RHBDD1: variants seen among roughly 807,000 people sequenced by gnomAD.
RHBDD1 encodes rhomboid domain containing 1.
RHBDD1 carries 38 observed loss-of-function variants against 36.3 expected under a neutral mutation model. The ratio of observed to expected loss-of-function variants is 1.05; its 90% CI spans 0.81 to 1.37. The LOEUF is 1.37. Among genes scored for constraint, RHBDD1 ranks in the 40% most tolerant of loss-of-function variants. The pLI is 0.00. For missense variants in RHBDD1, 393 were observed against 377.6 expected, an observed-to-expected ratio of 1.04 and a Z score of -0.34; for synonymous variants, 151 against 136.5, an observed-to-expected ratio of 1.11 and a Z score of -0.74.
At chr2:226,961,713 T>C (rs1029924468) in intron 8 of RHBDD1, among the ~76,000 whole-genome samples, 2 of 152,180 alleles carry the variant, frequency 1.3e-5, no homozygotes, top group African/African-American at 2.4e-5. Flanking sequence ...TGCTCAGTTG[T>C]CTGTGTTTCC....
chr2:226,994,597 C>A (rs1388855890), intron 8 of RHBDD1, among the ~76,000 whole-genome samples: 1 of 152,208 alleles, frequency 6.6e-6, no homozygotes, highest in East Asian at 1.9e-4. Flanking sequence ...TAGAAGTAAA[C>A]CTCTACTTAC....
At chr2:226,885,558 G>A (rs1380925219) in intron 5 of RHBDD1, among the ~76,000 whole-genome samples, 1 of 152,040 alleles carries the variant, frequency 6.6e-6, no homozygotes, top group Non-Finnish European at 1.5e-5. Context: ...AGAATACAAA[G>A]TATTACATAT....
At chr2:226,920,188 T>C (rs775601273) in intron 8 of RHBDD1, among the ~76,000 whole-genome samples, 1 of 152,074 alleles carries the variant, frequency 6.6e-6, no homozygotes, top group Non-Finnish European at 1.5e-5. Context: ...TTCTTGGCTT[T>C]TCAGATTGTT....
chr2:226,908,833 T>A lies in RHBDD1; in HGVS notation c.667T>A (p.Ser223Thr). The A allele has an allele frequency of 6.2e-7, 1 of 1,607,154 alleles. No individual in the cohort carries two copies. Residue 223 changes from serine (S) to threonine (T), a missense_variant, in exon 7 of 9, where the codon TCC (serine) becomes ACC (threonine). By Grantham distance (58) the Ser-to-Thr change is moderately conservative. Transcript: ENST00000392062. The part of the protein sequence containing the change: ...IMEACAGGFS[S>T]SVGYPGRQYY... ...TCTTTTACGTTTAGGCGGTTTTTCC[T>A]CCAGTGTTGGTTACCCAGGACGGCA...
intron 8 of RHBDD1, among the ~76,000 whole-genome samples, chr2:226,992,398 CGGCCAT>C (rs1958443198): frequency 6.6e-6 from 1 of 152,200 alleles, no homozygotes; most frequent in Admixed American, 6.5e-5. Flanking sequence ...CAAAGCAATT[CGGCCAT>C]TCTTCAGAGA....
the RHBDD1 span, among the ~76,000 whole-genome samples, chr2:226,810,397 G>T: frequency 1.3e-5 from 2 of 151,626 alleles, no homozygotes; most frequent in South Asian, 4.2e-4. Context: ...AAAATTAGCT[G>T]GGTGTGGTGT....
chr2:226,867,048 A>G, intron 4 of RHBDD1, 138 bp from the exon 5 acceptor site: 1 of 775,738 alleles, frequency 1.3e-6, no homozygotes, highest in Non-Finnish European at 2.0e-6. Context: ...GCAAGGTTGT[A>G]AGGAATAGGG....
chr2:226,914,485 A>G, intron 8 of RHBDD1, 134 bp downstream of exon 8: 5 of 1,001,512 alleles, frequency 5.0e-6, no homozygotes, highest in Non-Finnish European at 7.1e-6. Flanking sequence ...CTGTGTGCAG[A>G]TTGTGATTAC....
chr2:226,810,322 C>A, the RHBDD1 span, among the ~76,000 whole-genome samples: 43 of 151,762 alleles, frequency 2.8e-4, no homozygotes, highest in Admixed American at 1.3e-3. Context: ...GGTGGAACAC[C>A]TAAGGTCAGG....
At chr2:226,983,936 G>T (rs556000929) in intron 8 of RHBDD1, among the ~76,000 whole-genome samples, 2 of 152,298 alleles carry the variant, frequency 1.3e-5, no homozygotes, top group South Asian at 2.1e-4. Flanking sequence ...TGGGCAAAAC[G>T]CAATGGTGTG....
chr2:226,988,359 C>A, intron 8 of RHBDD1: 1 of 1,550,158 alleles, frequency 6.5e-7, no homozygotes, highest in East Asian at 2.4e-5. Flanking sequence ...GAGACAATGG[C>A]AAGTCTCCTG....
chr2:226,893,233 C>A (rs904771659), intron 5 of RHBDD1, among the ~76,000 whole-genome samples: 1 of 152,216 alleles, frequency 6.6e-6, no homozygotes, highest in Non-Finnish European at 1.5e-5. Flanking sequence ...ATGGGAATAT[C>A]TATTTGCTTC....
At chr2:226,850,442 T>A (rs1461616086) in intron 3 of RHBDD1, among the ~76,000 whole-genome samples, 1 of 152,354 alleles carries the variant, frequency 6.6e-6, no homozygotes, top group South Asian at 2.1e-4. Context: ...CATTTTATTT[T>A]TTTTTATTCT....
At position 226,949,560 on chromosome 2, in the gene RHBDD1, A is replaced by G. The variant is rs189948151; in HGVS notation, c.856+35209A>G. Among the ~76,000 whole-genome samples, 22 of 152,282 alleles carry G rather than the reference A, an allele frequency of 1.4e-4. No individual in the cohort carries two copies. The East Asian group carries it at 3.5e-3, about 24-fold the overall frequency. On this transcript the variant is annotated intron_variant, in intron 8 of 8. Coordinates refer to ENST00000392062, the MANE Select transcript of RHBDD1 (RefSeq NM_001167608.3). ...CACAGTCTATGTACTTTATTGTTAC[A>G]TTGTTTTGCCTTTCATATTGTATTG... is the stretch of plus-strand genomic sequence containing the variant.
intron 8 of RHBDD1, among the ~76,000 whole-genome samples, chr2:226,918,723 A>G (rs536052349): frequency 6.6e-5 from 10 of 152,110 alleles, no homozygotes; most frequent in Non-Finnish European, 1.3e-4. Flanking sequence ...GTTGATGGAT[A>G]CTTAGGTTGC....
intron 8 of RHBDD1, among the ~76,000 whole-genome samples, chr2:226,963,635 T>C (rs1338344593): frequency 1.3e-5 from 2 of 152,178 alleles, no homozygotes; most frequent in Non-Finnish European, 2.9e-5. Context: ...ATACCTTCCA[T>C]GCCCTTGCTT....
At chr2:226,818,881 T>C in the RHBDD1 span, among the ~76,000 whole-genome samples, 1 of 151,950 alleles carries the variant, frequency 6.6e-6, no homozygotes, top group Admixed American at 6.6e-5. Context: ...AAAAAACAGA[T>C]GACCTGAGAG....
At chr2:226,971,695 G>A (rs1953538959) in intron 8 of RHBDD1, among the ~76,000 whole-genome samples, 1 of 152,120 alleles carries the variant, frequency 6.6e-6, no homozygotes. Flanking sequence ...AATCAGAGAG[G>A]TGTTTTTTGC....
At chr2:226,924,707 A>G (rs188819890) in intron 8 of RHBDD1, among the ~76,000 whole-genome samples, 2 of 152,226 alleles carry the variant, frequency 1.3e-5, no homozygotes, top group East Asian at 1.9e-4. Context: ...GGGATGGGCA[A>G]TTCCCCTCTG....
Sources: gnomAD v4.1 joint callset for allele counts (sites outside exome capture counted in the v4.1 genomes callset) on GRCh38, gnomAD v4.1.1 for gene constraint, MANE v1.5 for transcripts, NCBI Gene and HGNC (gene_info 2026-07-23, HGNC 2026-07-21) for gene names.